The following SEPTIN9 variants were observed in gnomAD, a reference collection of about 807,000 sequenced individuals.
SEPTIN9 encodes septin-9.
SEPTIN9 carries 13 observed loss-of-function variants against 56.6 expected under a neutral mutation model. That is an observed-to-expected ratio of 0.23 (90% confidence interval 0.15 to 0.37). The LOEUF (loss-of-function observed/expected upper bound fraction) is 0.37, where lower values mean the gene tolerates loss of function less well. Ranked by LOEUF, SEPTIN9 falls within the 10% of genes least tolerant of loss-of-function variation. The pLI, the probability that SEPTIN9 is intolerant of heterozygous loss-of-function variation, is 1.00. For synonymous variants in SEPTIN9, 332 were observed against 334.1 expected, an observed-to-expected ratio of 0.99 and a Z score of 0.07; for missense variants, 650 against 823.1, an observed-to-expected ratio of 0.79 and a Z score of 2.57.
At chr17:77,403,007 G>C (rs184452105) in intron 3 of SEPTIN9, among the ~76,000 whole-genome samples, 17 of 152,270 alleles carry the variant, frequency 1.1e-4, no homozygotes, top group South Asian at 4.1e-4. Flanking sequence ...TCTGTCTGCT[G>C]TGTGTCCCTG....
At chr17:77,480,120 G>A (rs1036861912) in intron 3 of SEPTIN9, among the ~76,000 whole-genome samples, 13 of 152,186 alleles carry the variant, frequency 8.5e-5, no homozygotes, top group African/African-American at 1.2e-4. Context: ...CTCCAGGTCC[G>A]CCTGTGGGTA....
intron 3 of SEPTIN9, among the ~76,000 whole-genome samples, chr17:77,479,987 C>T (rs2039385970): frequency 6.6e-6 from 1 of 152,144 alleles, no homozygotes; most frequent in African/African-American, 2.4e-5. Flanking sequence ...ATTTAAAGGT[C>T]CTGGAAGCCC....
intron 1 of SEPTIN9, among the ~76,000 whole-genome samples, chr17:77,282,297 T>C (rs968772152): frequency 6.6e-6 from 1 of 152,062 alleles, no homozygotes; most frequent in Admixed American, 6.5e-5. Flanking sequence ...TGTCTTTTCC[T>C]TCCTTTTTTT....
At chr17:77,399,973 A>T (rs1319271009) in intron 2 of SEPTIN9, among the ~76,000 whole-genome samples, 1 of 151,836 alleles carries the variant, frequency 6.6e-6, no homozygotes, top group African/African-American at 2.4e-5. Flanking sequence ...GCGGTGTTTT[A>T]TTTTATTTTT....
At chr17:77,341,821 G>T (rs888530456) in intron 2 of SEPTIN9, among the ~76,000 whole-genome samples, 217 of 149,298 alleles carry the variant, frequency 1.5e-3, no homozygotes, top group African/African-American at 5.1e-3. Context: ...AGTGGCTCAC[G>T]CCTGTAATCC....
At chr17:77,306,734 A>G (rs1326413158) in intron 1 of SEPTIN9, among the ~76,000 whole-genome samples, 1 of 152,148 alleles carries the variant, frequency 6.6e-6, no homozygotes, top group Non-Finnish European at 1.5e-5. Context: ...TGGAGGAAGG[A>G]GGAGACTCCG....
chr17:77,386,048 G>C (rs1475983693), intron 2 of SEPTIN9, among the ~76,000 whole-genome samples: 4 of 152,200 alleles, frequency 2.6e-5, no homozygotes, highest in Non-Finnish European at 5.9e-5. Flanking sequence ...GAGGTCATCT[G>C]CCTGGCCCGG....
chr17:77,402,211 C>T lies in SEPTIN9; in HGVS notation c.229C>T (p.His77Tyr), dbSNP rs2144098646. 2 of 1,613,694 alleles carry T rather than the reference C, an allele frequency of 1.2e-6. No homozygotes were observed. The highest frequency in any genetic ancestry group is 2.2e-5 in the East Asian group (1 of 44,864). The part of the protein sequence containing the change: ...GVKNSEPSAR[H>Y]VDSLSQRSPK... ...GAAGAACTCAGAACCCTCGGCCCGCCATGTGGACTCCCTAAGCCAACGCTC... is the reference window on the plus strand; with the variant it reads ...GAAGAACTCAGAACCCTCGGCCCGCTATGTGGACTCCCTAAGCCAACGCTC... The change falls in exon 3 of 12, where the codon CAT (histidine) becomes TAT (tyrosine). Residue 77 changes from histidine (H) to tyrosine (Y), a missense_variant. Transcript: ENST00000427177. This position sits in a 1 kb window ranked among gnomAD's most constrained non-coding sequence, Gnocchi z 6.6.
chr17:77,469,603 C>G (rs1026549711), intron 3 of SEPTIN9: 2 of 152,230 alleles, frequency 1.3e-5, no homozygotes, highest in African/African-American at 4.8e-5. Flanking sequence ...GCTGCATCCC[C>G]CCAGGCGGTG....
At chr17:77,396,643 C>T (rs1466794637) in intron 2 of SEPTIN9, among the ~76,000 whole-genome samples, 3 of 152,146 alleles carry the variant, frequency 2.0e-5, no homozygotes, top group Non-Finnish European at 4.4e-5. Context: ...TCTTAGGACT[C>T]TGATGGGGGA....
intron 3 of SEPTIN9, among the ~76,000 whole-genome samples, chr17:77,454,637 G>A (rs929105387): frequency 2.0e-5 from 3 of 152,240 alleles, no homozygotes; most frequent in African/African-American, 7.2e-5. Flanking sequence ...TAGAGCAGCA[G>A]TGGGAACCTT....
intron 3 of SEPTIN9, among the ~76,000 whole-genome samples, chr17:77,419,078 C>A (rs542904354): frequency 6.6e-6 from 1 of 152,206 alleles, no homozygotes; most frequent in Non-Finnish European, 1.5e-5. Flanking sequence ...TCTTCTCTGC[C>A]GATGTTCCTG....
chr17:77,459,206 C>T (rs1384496651), intron 3 of SEPTIN9, among the ~76,000 whole-genome samples: 3 of 152,218 alleles, frequency 2.0e-5, no homozygotes, highest in African/African-American at 7.2e-5. Context: ...GCCTAAAGTC[C>T]CTTAGCTGTC....
Position 77,451,964 on chromosome 17 carries a change from C to CCCGAAGA in SEPTIN9, c.722-30176_722-30170dup, listed in dbSNP as rs999782839. Reference sequence around the variant, plus strand: ...GCTCAAGTTATCACCCCTCTGGGCTCCCGAAGACCGGCTGGCTGGAGGCTG... The same window carrying CCCGAAGA: ...GCTCAAGTTATCACCCCTCTGGGCTCCCGAAGACCGAAGACCGGCTGGCTGGAGGCTG... On this transcript the variant is annotated intron_variant, in intron 3 of 11. Transcript: ENST00000427177. The surrounding 1 kb of genome is among the most constrained non-coding windows in gnomAD (Gnocchi z 4.2). Among the ~76,000 whole-genome samples the CCCGAAGA allele has an allele frequency of 6.6e-6, 1 of 152,216 alleles. No individual in the cohort carries two copies. The highest frequency in any genetic ancestry group is 1.5e-5 in the Non-Finnish European group (1 of 68,040).
At chr17:77,345,835 T>C (rs2033873053) in intron 2 of SEPTIN9, among the ~76,000 whole-genome samples, 1 of 152,198 alleles carries the variant, frequency 6.6e-6, no homozygotes, top group Non-Finnish European at 1.5e-5. Context: ...AAGGCCTCGG[T>C]CCAGTATCAC....
intron 2 of SEPTIN9, among the ~76,000 whole-genome samples, chr17:77,364,717 A>G (rs1413785837): frequency 2.6e-5 from 4 of 152,296 alleles, no homozygotes; most frequent in South Asian, 2.1e-4. Flanking sequence ...GGGTCCCCCA[A>G]TGTTGGGCAT....
intron 3 of SEPTIN9, among the ~76,000 whole-genome samples, chr17:77,458,171 G>A (rs1429300172): frequency 2.0e-5 from 3 of 152,136 alleles, no homozygotes; most frequent in Non-Finnish European, 4.4e-5. Context: ...CACCATAGTC[G>A]CTTTCCACCC....
intron 2 of SEPTIN9, among the ~76,000 whole-genome samples, chr17:77,315,551 G>C (rs2032666151): frequency 6.6e-6 from 1 of 152,174 alleles, no homozygotes; most frequent in Non-Finnish European, 1.5e-5. Context: ...CTCCCAAAGT[G>C]CTGGGATTAC....
chr17:77,473,877 T>G (rs2143082460), intron 3 of SEPTIN9, among the ~76,000 whole-genome samples: 1 of 152,342 alleles, frequency 6.6e-6, no homozygotes, highest in Admixed American at 6.5e-5. Flanking sequence ...CCTGGTCCAC[T>G]AGGACCCCAG....
Sources: gnomAD v4.1 joint callset for allele counts (sites outside exome capture counted in the v4.1 genomes callset) on GRCh38, gnomAD v4.1.1 for gene constraint, Gnocchi (gnomAD v3.1) non-coding constraint, MANE v1.5 for transcripts, NCBI Gene and HGNC (gene_info 2026-07-23, HGNC 2026-07-21) for gene names.